TMTC2: variants seen among roughly 807,000 people sequenced by gnomAD.
TMTC2 encodes protein O-mannosyl-transferase TMTC2.
A neutral mutation model predicts 82.4 loss-of-function variants in TMTC2; 43 were observed. That is an observed-to-expected ratio of 0.52 (90% CI 0.41 to 0.67). The LOEUF (loss-of-function observed/expected upper bound fraction) is 0.67. TMTC2 is among the 30% of genes least tolerant of loss of function. TMTC2 has a pLI of 0.00. For missense variants in TMTC2, 919 were observed against 1,012.4 expected (o/e 0.91, Z 1.25); for synonymous variants, 408 against 381.9 (o/e 1.07, Z -0.80).
intron 1 of TMTC2, among the ~76,000 whole-genome samples, chr12:82,795,585 G>C (rs1486264335): frequency 2.0e-5 from 3 of 151,966 alleles, no homozygotes; most frequent in Non-Finnish European, 2.9e-5. Flanking sequence ...TAAGAGATGG[G>C]CCCCTTAAGA....
intron 8 of TMTC2, among the ~76,000 whole-genome samples, chr12:83,006,995 A>C (rs1655596): frequency 0.78 from 119,014 of 151,936 alleles, 47,655 homozygotes; most frequent in South Asian, 0.93. Context: ...GTAAATGACG[A>C]GTTGATGGGT....
At chr12:82,956,654 ATGT>A (rs1348515467) in intron 4 of TMTC2, among the ~76,000 whole-genome samples, 1 of 152,000 alleles carries the variant, frequency 6.6e-6, no homozygotes, top group Non-Finnish European at 1.5e-5. Context: ...GAGTTTAACC[ATGT>A]TGACCAGACT....
chr12:82,781,614 T>G (rs1279023348), intron 1 of TMTC2, among the ~76,000 whole-genome samples: 2 of 151,906 alleles, frequency 1.3e-5, no homozygotes, highest in East Asian at 3.9e-4. Flanking sequence ...ACAGAAGTGA[T>G]TACTAATTAC....
rs143661514 is a variant in TMTC2, at chr12:82,748,832, G to A, written c.83+61163G>A. On this transcript the variant is annotated intron_variant, in intron 1 of 11. Transcript: ENST00000321196. ...GCAGAGGTTGCAGTGAGCCAAGATC[G>A]TGCCATTGCACACCAGCCTGGGCAA... Among the ~76,000 whole-genome samples the A allele has an allele frequency of 5.3e-5, 8 of 152,242 alleles. No homozygotes were observed. The East Asian group carries it at 5.8e-4, about 11-fold the overall frequency.
intron 8 of TMTC2, among the ~76,000 whole-genome samples, chr12:83,015,266 A>G (rs1162491703): frequency 6.6e-6 from 1 of 152,176 alleles, no homozygotes; most frequent in African/African-American, 2.4e-5. Context: ...AGGTCAACAT[A>G]TTTCTTCCAA....
chr12:83,113,398 G>T (rs1041555421), intron 11 of TMTC2, among the ~76,000 whole-genome samples: 1 of 152,174 alleles, frequency 6.6e-6, no homozygotes, highest in African/African-American at 2.4e-5. Flanking sequence ...CTTAGGAGAT[G>T]CTAGATGCAG....
At chr12:83,056,731 T>TA (rs1193775736) in intron 10 of TMTC2, among the ~76,000 whole-genome samples, 3 of 151,946 alleles carry the variant, frequency 2.0e-5, no homozygotes, top group Non-Finnish European at 4.4e-5. Context: ...TTTTCAATTA[T>TA]AAGTTATATT....
chr12:82,707,934 G>T (rs914383313), intron 1 of TMTC2, among the ~76,000 whole-genome samples: 1 of 152,156 alleles, frequency 6.6e-6, no homozygotes, highest in South Asian at 2.1e-4. Flanking sequence ...TTATGAGGTG[G>T]TCACCTATAG....
At chr12:82,905,109 C>T (rs1249490075) in intron 3 of TMTC2, among the ~76,000 whole-genome samples, 4 of 151,626 alleles carry the variant, frequency 2.6e-5, no homozygotes, top group Non-Finnish European at 4.4e-5. Context: ...TCTTTGTGAC[C>T]GCCTATCTAT....
At chr12:82,870,373 A>G (rs533151508) in intron 2 of TMTC2, among the ~76,000 whole-genome samples, 1 of 150,764 alleles carries the variant, frequency 6.6e-6, no homozygotes, top group Admixed American at 6.5e-5. Context: ...CAAAGAGACT[A>G]AAATCACAGT....
At chr12:83,059,813 A>T (rs977131919) in intron 10 of TMTC2, among the ~76,000 whole-genome samples, 1 of 151,756 alleles carries the variant, frequency 6.6e-6, no homozygotes, top group Non-Finnish European at 1.5e-5. Context: ...TTAAATGTCC[A>T]TAAAGATGAA....
At chr12:83,015,519 T>C (rs1880637597) in intron 8 of TMTC2, among the ~76,000 whole-genome samples, 1 of 152,120 alleles carries the variant, frequency 6.6e-6, no homozygotes, top group African/African-American at 2.4e-5. Context: ...ACATCACACA[T>C]TTTTTCCTTC....
intron 9 of TMTC2, among the ~76,000 whole-genome samples, chr12:83,047,710 C>A (rs2137451579): frequency 6.6e-6 from 1 of 152,202 alleles, no homozygotes; most frequent in Admixed American, 6.5e-5. Flanking sequence ...TTTTCTGTCA[C>A]CATTTACCCT....
At chr12:83,029,611 G>A (rs551222679) in intron 8 of TMTC2, among the ~76,000 whole-genome samples, 1 of 152,102 alleles carries the variant, frequency 6.6e-6, no homozygotes, top group African/African-American at 2.4e-5. Flanking sequence ...ATGGTCTGTG[G>A]CTTTGGACAC....
intron 11 of TMTC2, among the ~76,000 whole-genome samples, chr12:83,091,229 A>G (rs1883836380): frequency 6.6e-6 from 1 of 152,194 alleles, no homozygotes; most frequent in South Asian, 2.1e-4. Context: ...AAGCATAACC[A>G]AAGATGATTT....
chr12:82,971,141 A>G (rs1878428992), intron 7 of TMTC2, among the ~76,000 whole-genome samples: 1 of 152,026 alleles, frequency 6.6e-6, no homozygotes, highest in Admixed American at 6.5e-5. Flanking sequence ...CTTTAATAAG[A>G]TAAAAATTAG....
At chr12:82,945,866 C>G (rs1876964679) in intron 4 of TMTC2, among the ~76,000 whole-genome samples, 1 of 152,194 alleles carries the variant, frequency 6.6e-6, no homozygotes, top group Non-Finnish European at 1.5e-5. Flanking sequence ...GGAAAAGTTA[C>G]TTAAAGTGTA....
chr12:82,765,714 CAAAA>C (rs199754664), intron 1 of TMTC2, among the ~76,000 whole-genome samples: 2 of 137,780 alleles, frequency 1.5e-5, no homozygotes, highest in South Asian at 4.3e-4. Flanking sequence ...AACAAACAAA[CAAAA>C]AAAAACAAAG....
At chr12:83,039,914 A>G (rs930837547) in intron 9 of TMTC2, among the ~76,000 whole-genome samples, 3 of 152,246 alleles carry the variant, frequency 2.0e-5, no homozygotes, top group Non-Finnish European at 4.4e-5. Flanking sequence ...AATCAATTCA[A>G]GTAATATGGT....
Sources: gnomAD v4.1 joint callset for allele counts (sites outside exome capture counted in the v4.1 genomes callset) on GRCh38, gnomAD v4.1.1 for gene constraint, MANE v1.5 for transcripts, NCBI Gene and HGNC (gene_info 2026-07-23, HGNC 2026-07-21) for gene names.